Variants in CCDC172 observed in about 807,000 individuals in gnomAD.
CCDC172 encodes coiled-coil domain-containing protein 172.
CCDC172 carries 30 observed loss-of-function variants against 38.0 expected under a neutral mutation model. The ratio of observed to expected loss-of-function variants is 0.79; its 90% CI spans 0.59 to 1.07. The LOEUF is 1.07. CCDC172 is among the 50% of genes least tolerant of loss of function. CCDC172 has a pLI of 0.00. For synonymous variants in CCDC172, 78 were observed against 88.3 expected (o/e 0.88, Z 0.66); for missense variants, 297 against 290.1 (o/e 1.02, Z -0.17).
chr10:116,336,950 C>T (rs1473925215), intron 3 of CCDC172, among the ~76,000 whole-genome samples: 2 of 151,996 alleles, frequency 1.3e-5, no homozygotes, highest in Admixed American at 6.6e-5. Context: ...TGAAAACTGA[C>T]CTAGTTGACC....
chr10:116,364,112 T>TA (rs1845096254), intron 7 of CCDC172, among the ~76,000 whole-genome samples: 1 of 152,124 alleles, frequency 6.6e-6, no homozygotes, highest in African/African-American at 2.4e-5. Flanking sequence ...TGGTTCTTTA[T>TA]CCATGCATTT....
intron 7 of CCDC172, among the ~76,000 whole-genome samples, chr10:116,367,480 G>A (rs1290596407): frequency 3.3e-5 from 5 of 152,010 alleles, no homozygotes; most frequent in Admixed American, 1.3e-4. Flanking sequence ...ACAAGGTCAG[G>A]GGATCGAGAC....
intron 3 of CCDC172, among the ~76,000 whole-genome samples, chr10:116,329,394 T>G (rs1000584926): frequency 6.6e-6 from 1 of 152,100 alleles, no homozygotes; most frequent in Admixed American, 6.5e-5. Flanking sequence ...TTGCACTTGC[T>G]GTTTCCTCTG....
intron 8 of CCDC172, among the ~76,000 whole-genome samples, chr10:116,379,000 T>C (rs1197783249): frequency 6.6e-6 from 1 of 152,156 alleles, no homozygotes; most frequent in Non-Finnish European, 1.5e-5. Flanking sequence ...GCACTTTAAA[T>C]TGCTTTAACC....
intron 5 of CCDC172, among the ~76,000 whole-genome samples, chr10:116,342,957 CTCT>C (rs914043153): frequency 3.9e-5 from 6 of 152,020 alleles, no homozygotes; most frequent in South Asian, 2.1e-4. Flanking sequence ...AAGTAAATCT[CTCT>C]TCTTCTTCTT....
chr10:116,362,133 T>A (rs1180993800), intron 7 of CCDC172, among the ~76,000 whole-genome samples: 1 of 152,170 alleles, frequency 6.6e-6, no homozygotes, highest in Non-Finnish European at 1.5e-5. Flanking sequence ...GAGCTTGCAG[T>A]GAGCCGAGAT....
At position 116,379,548 on chromosome 10, in the gene CCDC172, A is replaced by G; in HGVS notation, c.*190A>G. ...AAGATAATTTTTGTCTTGTTACTCA[A>G]ACTTTAAGAGTTCTTCTGTGGTTTG... On this transcript the variant is annotated 3_prime_UTR_variant, in exon 9 of 9. Coordinates refer to ENST00000333254, the MANE Select transcript of CCDC172 (RefSeq NM_198515.3). The G allele has an allele frequency of 2.4e-6, 1 of 417,022 alleles. No homozygotes were observed. The highest frequency in any genetic ancestry group is 2.1e-5 in the African/African-American group (1 of 48,362). 25.8% of individuals were successfully genotyped at this position (417,022 alleles called of 1,614,324 possible). A position where few individuals can be genotyped will look rare whatever the true frequency, so the allele number is the denominator to read the frequency against.
intron 5 of CCDC172, among the ~76,000 whole-genome samples, chr10:116,354,210 A>G (rs920619564): frequency 6.6e-6 from 1 of 152,214 alleles, no homozygotes; most frequent in Non-Finnish European, 1.5e-5. Context: ...CCAGTCATAT[A>G]AAAGTATAGC....
chr10:116,356,363 G>C (rs1215437618), intron 5 of CCDC172, among the ~76,000 whole-genome samples: 3 of 141,510 alleles, frequency 2.1e-5, no homozygotes, highest in Non-Finnish European at 4.6e-5. Flanking sequence ...GAAAGGGGGG[G>C]AGGAGGAAGA....
At chr10:116,375,670 T>C (rs1845236045) in intron 7 of CCDC172, among the ~76,000 whole-genome samples, 1 of 151,970 alleles carries the variant, frequency 6.6e-6, no homozygotes, top group Non-Finnish European at 1.5e-5. Flanking sequence ...TACAAAGAAC[T>C]TAAATTTACA....
At chr10:116,345,182 C>T (rs1417754839) in intron 5 of CCDC172, among the ~76,000 whole-genome samples, 1 of 152,006 alleles carries the variant, frequency 6.6e-6, no homozygotes, top group Non-Finnish European at 1.5e-5. Flanking sequence ...ACAGAAGAGT[C>T]CAGAAATAGA....
intron 4 of CCDC172, among the ~76,000 whole-genome samples, chr10:116,341,438 A>G (rs1358519595): frequency 6.6e-6 from 1 of 152,078 alleles, no homozygotes; most frequent in Non-Finnish European, 1.5e-5. Context: ...GGTAATGTTT[A>G]TATTCTAGCA....
At position 116,332,185 on chromosome 10, in the gene CCDC172, A is replaced by T. The variant is rs147875271; in HGVS notation, c.165+6797A>T. 1.1e-4 allele frequency among the ~76,000 whole-genome samples: 16 copies of T among 152,158 alleles called. No individual in the cohort carries two copies. In the East Asian group the frequency reaches 2.9e-3, roughly 28 times the overall value. ...GAATTTTATCACCATCCTTACACTG[A>T]GCTGTCTATTTGTTTCTTGCATGAA... On this transcript the variant is annotated intron_variant, in intron 3 of 8. Transcript: ENST00000333254.
At chr10:116,356,488 GAGATAACTTAAAAA>G (rs1461481085) in intron 5 of CCDC172, among the ~76,000 whole-genome samples, 3 of 151,986 alleles carry the variant, frequency 2.0e-5, no homozygotes, top group African/African-American at 7.2e-5. Context: ...AGTGAATTTA[GAGATAACTTAAAAA>G]ATGGAAACAC....
At chr10:116,356,290 A>G (rs940917611) in intron 5 of CCDC172, among the ~76,000 whole-genome samples, 1 of 150,932 alleles carries the variant, frequency 6.6e-6, no homozygotes, top group African/African-American at 2.4e-5. Context: ...AGATGGCGCC[A>G]CTGCACTCCA....
At position 116,342,080 on chromosome 10, in the gene CCDC172, T is replaced by C; in HGVS notation, c.327T>C (p.Ile109=). ...KQMIEEEDKF[I]KEITDFNNDY... ...TGATAGAGGAGGAAGACAAATTTAT[T>C]AAGGAAATTACAGACTTTAATAATG... is the stretch of plus-strand genomic sequence containing the variant. Residue 109 remains isoleucine, a synonymous_variant, in exon 5 of 9, where the codon ATT becomes ATC. Coordinates refer to ENST00000333254, the MANE Select transcript of CCDC172 (RefSeq NM_198515.3). 5.9e-6 allele frequency: 9 copies of C among 1,537,376 alleles called. No homozygotes were observed. The highest frequency in any genetic ancestry group is 7.8e-6 in the Non-Finnish European group (9 of 1,147,114).
intron 3 of CCDC172, among the ~76,000 whole-genome samples, chr10:116,336,761 C>T (rs910501563): frequency 1.3e-5 from 2 of 151,802 alleles, no homozygotes; most frequent in Non-Finnish European, 2.9e-5. Context: ...TCCTCAAGGC[C>T]GAGATTATTT....
intron 7 of CCDC172, among the ~76,000 whole-genome samples, chr10:116,365,110 A>G (rs1589958071): frequency 6.6e-6 from 1 of 152,190 alleles, no homozygotes. Flanking sequence ...GCACTGAAGC[A>G]TGAGATCTAC....
chr10:116,348,872 T>C (rs770170685), intron 5 of CCDC172, among the ~76,000 whole-genome samples: 6 of 152,124 alleles, frequency 3.9e-5, no homozygotes. Context: ...ATCCTTTATC[T>C]AGTTTGTGGG....
Sources: gnomAD v4.1 joint callset for allele counts (sites outside exome capture counted in the v4.1 genomes callset) on GRCh38, gnomAD v4.1.1 for gene constraint, MANE v1.5 for transcripts, NCBI Gene and HGNC (gene_info 2026-07-23, HGNC 2026-07-21) for gene names.